Variants in LRRC4C observed in about 807,000 individuals in gnomAD.
LRRC4C encodes the protein leucine rich repeat containing 4C.
A neutral mutation model predicts 33.6 loss-of-function variants in LRRC4C; 5 were observed. That is an observed-to-expected ratio of 0.15 (90% confidence interval 0.08 to 0.31). The LOEUF (loss-of-function observed/expected upper bound fraction) is 0.31. Ranked by LOEUF, LRRC4C falls within the 10% of genes least tolerant of loss-of-function variation. LRRC4C has a pLI of 1.00. For missense variants in LRRC4C, 560 were observed against 796.7 expected (o/e 0.70, Z 3.58); for synonymous variants, 329 against 302.0 (o/e 1.09, Z -0.93).
At chr11:40,143,402 C>G (rs150282630) in intron 5 of LRRC4C, among the ~76,000 whole-genome samples, 4,200 of 152,210 alleles carry the variant, frequency 0.028, 92 homozygotes, top group Middle Eastern at 0.088. Flanking sequence ...GCATCTCTCC[C>G]GCTTCTTTGA....
At chr11:40,838,974 AC>A (rs1229838275) in intron 2 of LRRC4C, among the ~76,000 whole-genome samples, 2 of 152,130 alleles carry the variant, frequency 1.3e-5, no homozygotes, top group Non-Finnish European at 2.9e-5. Flanking sequence ...TTGTAATAGG[AC>A]CAATTGAGTT....
At chr11:41,344,230 T>TC (rs1951730692) in intron 1 of LRRC4C, among the ~76,000 whole-genome samples, 1 of 148,596 alleles carries the variant, frequency 6.7e-6, no homozygotes, top group African/African-American at 2.5e-5. Flanking sequence ...GCCTTTCTTT[T>TC]TTTTTTTTTT....
rs568824741 is a variant in LRRC4C, at chr11:40,459,866, T to C, written c.-269-140145A>G. On this transcript the variant is annotated intron_variant, in intron 3 of 6. Coordinates refer to ENST00000528697, the MANE Select transcript of LRRC4C (RefSeq NM_001258419.2). ...GCTGGCTACCTTTTCGCCCCTCAAG[T>C]TTTGCTAGGTGAACTTTGAAACACA... Among the ~76,000 whole-genome samples, 4 of 152,250 alleles carry C rather than the reference T, an allele frequency of 2.6e-5. No homozygotes were observed. The South Asian group carries it at 8.3e-4, about 32-fold the overall frequency.
At chr11:40,392,753 T>A (rs1288532437) in intron 3 of LRRC4C, among the ~76,000 whole-genome samples, 1 of 152,156 alleles carries the variant, frequency 6.6e-6, no homozygotes, top group African/African-American at 2.4e-5. Context: ...ACCAAAGTGA[T>A]GAAAACAATT....
chr11:40,984,322 AAAAG>A lies in LRRC4C; in HGVS notation c.-495-50603_-495-50600del, dbSNP rs202086093. Among the ~76,000 whole-genome samples the A allele has an allele frequency of 4.2e-3, 632 of 150,254 alleles. 5 individuals are homozygous for A. The highest frequency in any genetic ancestry group is 6.8e-3 in the Middle Eastern group (2 of 292). On this transcript the variant is annotated intron_variant, in intron 1 of 6. Coordinates refer to ENST00000528697, the MANE Select transcript of LRRC4C (RefSeq NM_001258419.2). ...GAGAGAGAAGGAAAGAAAGAAAAAG[AAAAG>A]AAAGAAAGAAAGAAAGTAGGAAAGA...
At chr11:40,629,949 A>T (rs1161015831) in intron 3 of LRRC4C, among the ~76,000 whole-genome samples, 1 of 152,188 alleles carries the variant, frequency 6.6e-6, no homozygotes, top group African/African-American at 2.4e-5. Context: ...ATACCAAATT[A>T]GGTTTCCCTA....
chr11:40,448,481 A>G (rs554169625), intron 3 of LRRC4C, among the ~76,000 whole-genome samples: 2 of 151,750 alleles, frequency 1.3e-5, no homozygotes, highest in African/African-American at 4.8e-5. Context: ...ACTCCCATGT[A>G]TGAGTGAGAA....
intron 3 of LRRC4C, among the ~76,000 whole-genome samples, chr11:40,634,492 G>A (rs1282946633): frequency 2.0e-5 from 3 of 152,054 alleles, no homozygotes; most frequent in African/African-American, 4.8e-5. Context: ...ACTAGAAAGC[G>A]TCACACGTGC....
At chr11:40,294,888 A>C (rs1944433022) in intron 4 of LRRC4C, among the ~76,000 whole-genome samples, 1 of 152,144 alleles carries the variant, frequency 6.6e-6, no homozygotes, top group African/African-American at 2.4e-5. Flanking sequence ...AAGAATCCAG[A>C]GTAGCTTAAA....
At chr11:41,454,729 G>A (rs1040273555) in intron 1 of LRRC4C, among the ~76,000 whole-genome samples, 8 of 152,114 alleles carry the variant, frequency 5.3e-5, no homozygotes, top group African/African-American at 1.9e-4. Flanking sequence ...CATGAAATGA[G>A]CTAATTTACA....
chr11:40,759,190 A>G (rs1025252265), intron 2 of LRRC4C, among the ~76,000 whole-genome samples: 2 of 147,118 alleles, frequency 1.4e-5, no homozygotes, highest in Admixed American at 6.9e-5. Context: ...TGAGGAATAT[A>G]TATAATTATA....
At chr11:41,438,776 C>A (rs915882426) in intron 1 of LRRC4C, among the ~76,000 whole-genome samples, 2 of 152,158 alleles carry the variant, frequency 1.3e-5, no homozygotes. Flanking sequence ...ATTATTTCTT[C>A]ATTCATTCAT....
At chr11:40,797,308 G>A (rs536807019) in intron 2 of LRRC4C, among the ~76,000 whole-genome samples, 49 of 152,206 alleles carry the variant, frequency 3.2e-4, no homozygotes, top group African/African-American at 1.1e-3. Context: ...AATGAATTTG[G>A]TTTTTGAAAG....
intron 3 of LRRC4C, among the ~76,000 whole-genome samples, chr11:40,449,223 T>C (rs1216589699): frequency 2.0e-5 from 3 of 152,182 alleles, no homozygotes. Context: ...TCTTTTGCTG[T>C]GCAGAAGCTC....
At chr11:40,905,246 G>T (rs1326978662) in intron 2 of LRRC4C, among the ~76,000 whole-genome samples, 4 of 152,056 alleles carry the variant, frequency 2.6e-5, no homozygotes, top group Non-Finnish European at 4.4e-5. Flanking sequence ...GGAAAAACAT[G>T]CATTCTTAAA....
chr11:40,227,920 G>A (rs972710142), intron 5 of LRRC4C, among the ~76,000 whole-genome samples: 1 of 152,160 alleles, frequency 6.6e-6, no homozygotes, highest in African/African-American at 2.4e-5. Flanking sequence ...AGAGAATGAT[G>A]AGTCATATGT....
chr11:40,902,383 T>G (rs1956246498), intron 2 of LRRC4C, among the ~76,000 whole-genome samples: 1 of 152,156 alleles, frequency 6.6e-6, no homozygotes, highest in Non-Finnish European at 1.5e-5. Context: ...TCATCTGTCC[T>G]CCTCTTCTCA....
chr11:40,672,742 G>A (rs578191973), intron 2 of LRRC4C, among the ~76,000 whole-genome samples: 73 of 152,190 alleles, frequency 4.8e-4, no homozygotes, highest in African/African-American at 1.7e-3. Flanking sequence ...CAAACTACAG[G>A]AACAAATTAA....
At chr11:40,346,496 T>C (rs559578290) in intron 3 of LRRC4C, among the ~76,000 whole-genome samples, 10 of 152,144 alleles carry the variant, frequency 6.6e-5, no homozygotes, top group African/African-American at 2.4e-4. Flanking sequence ...GGCAGCTAAA[T>C]GATGAGAACA....
Sources: gnomAD v4.1 joint callset for allele counts (sites outside exome capture counted in the v4.1 genomes callset) on GRCh38, gnomAD v4.1.1 for gene constraint, MANE v1.5 for transcripts, NCBI Gene and HGNC (gene_info 2026-07-23, HGNC 2026-07-21) for gene names.